Variants in CELF2 observed in about 807,000 individuals in gnomAD.
CELF2 encodes the protein CUGBP Elav-like family member 2, also known as CUG triplet repeat RNA-binding protein 2.
CELF2 carries 8 observed loss-of-function variants against 62.6 expected under a neutral mutation model. The observed-to-expected ratio is 0.13, with a 90% CI of 0.07 to 0.23. The LOEUF is 0.23. Among genes scored for constraint, CELF2 ranks in the 10% least tolerant of loss-of-function variants. The probability of loss-of-function intolerance (pLI) is 1.00; values close to 1 mark genes in which losing one functional copy is unlikely to be tolerated. For missense variants in CELF2, 333 were observed against 671.0 expected, an observed-to-expected ratio of 0.50 and a Z score of 5.56; for synonymous variants, 258 against 250.0, an observed-to-expected ratio of 1.03 and a Z score of -0.30.
At chr10:10,820,777 C>T (rs970124297) in intron 1 of CELF2, among the ~76,000 whole-genome samples, 9 of 152,120 alleles carry the variant, frequency 5.9e-5, no homozygotes, top group South Asian at 2.1e-4. Flanking sequence ...CATTCAAGGC[C>T]GCATTGAAGA....
the CELF2 span, among the ~76,000 whole-genome samples, chr10:10,699,039 A>C: frequency 6.6e-6 from 1 of 152,070 alleles, no homozygotes; most frequent in Non-Finnish European, 1.5e-5. Context: ...ATAATATACT[A>C]GTGTATGTTA....
chr10:11,294,650 C>T (rs754973582), intron 9 of CELF2, among the ~76,000 whole-genome samples: 106 of 152,042 alleles, frequency 7.0e-4, no homozygotes, highest in Non-Finnish European at 1.2e-3. Context: ...CAGTGGCTCA[C>T]GCCTGTAATC....
the CELF2 span, among the ~76,000 whole-genome samples, chr10:10,732,779 C>T: frequency 6.6e-6 from 1 of 152,202 alleles, no homozygotes. Context: ...CTGCCTTGGC[C>T]TTCCAAAGTG....
the CELF2 span, among the ~76,000 whole-genome samples, chr10:10,735,387 C>A: frequency 6.6e-6 from 1 of 151,874 alleles, no homozygotes; most frequent in South Asian, 2.1e-4. Flanking sequence ...CAGTATGTTG[C>A]GAAAAAAATT....
intron 2 of CELF2, among the ~76,000 whole-genome samples, chr10:10,966,354 G>A (rs925547813): frequency 6.6e-6 from 1 of 152,186 alleles, no homozygotes; most frequent in Non-Finnish European, 1.5e-5. Context: ...AGAGCTCGGG[G>A]ATAGCTGTGT....
the CELF2 span, among the ~76,000 whole-genome samples, chr10:10,696,946 C>T: frequency 6.6e-6 from 1 of 152,198 alleles, no homozygotes; most frequent in South Asian, 2.1e-4. Flanking sequence ...CCGTCTTCTG[C>T]GTCGCTCACG....
chr10:11,043,149 T>G (rs1305262025), intron 1 of CELF2, among the ~76,000 whole-genome samples: 3 of 152,222 alleles, frequency 2.0e-5, no homozygotes, highest in African/African-American at 7.2e-5. Flanking sequence ...TCCAACTTGC[T>G]GCATCCTTGG....
Position 10,865,150 on chromosome 10 carries a change from C to T in CELF2, c.54-54814C>T, listed in dbSNP as rs559565753. 7.2e-5 allele frequency among the ~76,000 whole-genome samples: 11 copies of T among 152,148 alleles called. No homozygotes were observed. In the South Asian group the frequency reaches 2.3e-3, roughly 32 times the overall value. On this transcript the variant is annotated intron_variant, in intron 1 of 13. Coordinates refer to the CELF2 transcript ENST00000636488. ...AGAATCACCATTAAACAGAATTCAC[C>T]ACTCACCTCACTTTTCTCCTGCTCT...
chr10:11,148,479 C>T (rs914610104), intron 1 of CELF2, among the ~76,000 whole-genome samples: 8 of 152,144 alleles, frequency 5.3e-5, no homozygotes, highest in Admixed American at 1.3e-4. Flanking sequence ...GAAGCTGAGA[C>T]GCATCCAGTG....
At chr10:10,876,311 G>T (rs1312829809) in intron 1 of CELF2, among the ~76,000 whole-genome samples, 1 of 152,102 alleles carries the variant, frequency 6.6e-6, no homozygotes, top group Non-Finnish European at 1.5e-5. Flanking sequence ...CGCTCCCATT[G>T]TGCTATGCTG....
intron 1 of CELF2, among the ~76,000 whole-genome samples, chr10:10,881,103 A>G (rs941395646): frequency 6.6e-6 from 1 of 152,164 alleles, no homozygotes; most frequent in African/African-American, 2.4e-5. Flanking sequence ...TTCACTTACG[A>G]CTGTTACTAG....
intron 2 of CELF2, among the ~76,000 whole-genome samples, chr10:10,967,734 C>A (rs528389236): frequency 6.6e-6 from 1 of 151,978 alleles, no homozygotes; most frequent in South Asian, 2.1e-4. Context: ...GGAAGCAAGA[C>A]CTGGGAGCAA....
chr10:10,807,664 C>T (rs908561207), intron 1 of CELF2, among the ~76,000 whole-genome samples: 16 of 151,704 alleles, frequency 1.1e-4, no homozygotes, highest in South Asian at 4.2e-4. Context: ...TAGCTTAAGA[C>T]GAAAGGAAAA....
chr10:11,067,136 T>G (rs971350797), intron 1 of CELF2, among the ~76,000 whole-genome samples: 3 of 152,220 alleles, frequency 2.0e-5, no homozygotes, highest in African/African-American at 7.2e-5. Flanking sequence ...ATTTTGCTGT[T>G]GGATTTGGAA....
rs973377897 is a variant in CELF2, at chr10:11,207,241, C to T, written c.272-10184C>T. On this transcript the variant is annotated intron_variant, in intron 2 of 12. Transcript: ENST00000633077. The surrounding 1 kb of genome is among the most constrained non-coding windows in gnomAD (Gnocchi z 4.1). ...GGCTTGAAAATGCAGTCGATTTAAT[C>T]TAGGTCAAAAGGAAAGAAAGAAACT... is the stretch of plus-strand genomic sequence containing the variant. 7.9e-5 allele frequency among the ~76,000 whole-genome samples: 12 copies of T among 152,190 alleles called. No homozygotes were observed. Among genetic ancestry groups the T allele is most frequent in the Admixed American group, 2.6e-4 (4 of 15,286 alleles).
intron 2 of CELF2, among the ~76,000 whole-genome samples, chr10:10,967,379 C>G (rs574717300): frequency 6.6e-6 from 1 of 152,202 alleles, no homozygotes; most frequent in Non-Finnish European, 1.5e-5. Context: ...CCGCTTTAGA[C>G]TAGGCTTGAC....
chr10:10,554,142 T>G, the CELF2 span, among the ~76,000 whole-genome samples: 1 of 151,886 alleles, frequency 6.6e-6, no homozygotes, highest in African/African-American at 2.4e-5. Context: ...ATAAGAGTGA[T>G]AAGGGGGGAA....
chr10:10,832,391 A>G lies in CELF2; in HGVS notation c.53+33574A>G, dbSNP rs1414744965. ...TAGAGCTACTCACGGGTAGATTTCA[A>G]TATACCCAGGGCCTTTCCAAAGATC... On this transcript the variant is annotated intron_variant, in intron 1 of 13. Transcript: ENST00000636488. 5.3e-5 allele frequency among the ~76,000 whole-genome samples: 8 copies of G among 152,360 alleles called. No homozygotes were observed. In the South Asian group the frequency reaches 1.0e-3, roughly 20 times the overall value.
At chr10:11,274,651 T>C (rs1276061627) in intron 7 of CELF2, among the ~76,000 whole-genome samples, 1 of 152,098 alleles carries the variant, frequency 6.6e-6, no homozygotes, top group African/African-American at 2.4e-5. Context: ...CCAATGTGCT[T>C]CTGATGAAAG....
Sources: gnomAD v4.1 joint callset for allele counts (sites outside exome capture counted in the v4.1 genomes callset) on GRCh38, gnomAD v4.1.1 for gene constraint, Gnocchi (gnomAD v3.1) non-coding constraint, MANE v1.5 for transcripts, NCBI Gene and HGNC (gene_info 2026-07-23, HGNC 2026-07-21) for gene names.